IL23R: variants seen among roughly 807,000 people sequenced by gnomAD.
IL23R encodes interleukin 23 receptor.
Under a neutral mutation model 56.9 loss-of-function variants are expected in IL23R, and 34 were observed. The ratio of observed to expected loss-of-function variants is 0.60; its 90% confidence interval spans 0.45 to 0.80. The LOEUF is 0.80. Ranked by LOEUF, IL23R falls within the 30% of genes least tolerant of loss-of-function variation. The pLI, the probability that IL23R is intolerant of heterozygous loss-of-function variation, is 0.00. For missense variants in IL23R, 635 were observed against 730.0 expected, an observed-to-expected ratio of 0.87 and a Z score of 1.50; for synonymous variants, 230 against 249.2, an observed-to-expected ratio of 0.92 and a Z score of 0.73.
chr1:67,212,630 T>G (rs1207859486), intron 6 of IL23R, among the ~76,000 whole-genome samples: 1 of 150,030 alleles, frequency 6.7e-6, no homozygotes, highest in East Asian at 2.0e-4. Context: ...ACTGCAGCCT[T>G]GACCTCCTGG....
rs1649114760 is a variant in IL23R, at chr1:67,206,968, G to T, written c.711G>T (p.Lys237Asn). ...RAETINATVP[K>N]TIIYWDSQTT... is the part of the protein sequence containing the mutation. ...AGACTATAAATGCTACAGTGCCCAAGACCATAATTTATTGGGATAGTCAAA... is the reference window on the plus strand; with the variant it reads ...AGACTATAAATGCTACAGTGCCCAATACCATAATTTATTGGGATAGTCAAA... The change falls in exon 6 of 11, where the codon AAG becomes AAT. Residue 237 changes from lysine (K) to asparagine (N), a missense_variant. By Grantham distance (94) the Lys-to-Asn change is moderately conservative. Coordinates refer to ENST00000347310, the MANE Select transcript of IL23R (RefSeq NM_144701.3). The T allele has an allele frequency of 6.5e-7, 1 of 1,543,772 alleles. No homozygotes were observed. Among genetic ancestry groups the T allele is most frequent in the Non-Finnish European group, 8.8e-7 (1 of 1,142,806 alleles).
intron 9 of IL23R, among the ~76,000 whole-genome samples, chr1:67,242,550 C>G (rs1651922048): frequency 1.3e-5 from 2 of 152,090 alleles, no homozygotes; most frequent in African/African-American, 2.4e-5. Flanking sequence ...TCCTGGTTAG[C>G]TTTACCTTAA....
chr1:67,239,743 AATG>A (rs773262244), intron 8 of IL23R, among the ~76,000 whole-genome samples: 1 of 152,196 alleles, frequency 6.6e-6, no homozygotes, highest in Non-Finnish European at 1.5e-5. Context: ...GATTTTGAAG[AATG>A]ATGACAAATT....
At chr1:67,225,569 T>G (rs1570885234) in intron 7 of IL23R, among the ~76,000 whole-genome samples, 1 of 150,902 alleles carries the variant, frequency 6.6e-6, no homozygotes, top group Non-Finnish European at 1.5e-5. Context: ...TAGAGTGTAG[T>G]GCACCATCTC....
intron 9 of IL23R, among the ~76,000 whole-genome samples, chr1:67,249,859 C>T (rs1212760319): frequency 6.6e-6 from 1 of 152,048 alleles, no homozygotes; most frequent in Non-Finnish European, 1.5e-5. Flanking sequence ...CATTTTGTAA[C>T]CCTTTACAAA....
intron 3 of IL23R, among the ~76,000 whole-genome samples, chr1:67,172,619 G>A (rs1035976630): frequency 1.3e-5 from 2 of 152,114 alleles, no homozygotes; most frequent in Non-Finnish European, 2.9e-5. Context: ...GCACAGTCAT[G>A]TTTCCACTTA....
the IL23R span, among the ~76,000 whole-genome samples, chr1:67,265,538 C>G: frequency 6.6e-6 from 1 of 152,120 alleles, no homozygotes; most frequent in Non-Finnish European, 1.5e-5. Flanking sequence ...CCCTAATAAT[C>G]TATAGAATAA....
chr1:67,169,999 C>T (rs906681350), intron 3 of IL23R, among the ~76,000 whole-genome samples: 2 of 152,180 alleles, frequency 1.3e-5, no homozygotes, highest in African/African-American at 2.4e-5. Flanking sequence ...GAGGGCCAGC[C>T]CCGTTAGATT....
At chr1:67,241,089 T>C (rs1651822107) in intron 9 of IL23R, among the ~76,000 whole-genome samples, 1 of 152,250 alleles carries the variant, frequency 6.6e-6, no homozygotes, top group Non-Finnish European at 1.5e-5. Context: ...AATATAGAAG[T>C]ATGGAGTCCT....
chr1:67,167,844 A>G (rs1447752161), intron 1 of IL23R, among the ~76,000 whole-genome samples: 9 of 152,220 alleles, frequency 5.9e-5, no homozygotes, highest in African/African-American at 2.2e-4. Context: ...GTTAATTCAT[A>G]GTGACTTTTG....
downstream of IL23R, among the ~76,000 whole-genome samples, chr1:67,263,837 C>G (rs1232044951): frequency 2.0e-5 from 3 of 149,962 alleles, no homozygotes; most frequent in African/African-American, 7.4e-5. Flanking sequence ...GCACTCCAGC[C>G]TAGGCAACAG....
At chr1:67,154,744 T>G (rs1177474053) in intron 1 of IL23R, among the ~76,000 whole-genome samples, 3 of 152,200 alleles carry the variant, frequency 2.0e-5, no homozygotes, top group African/African-American at 7.2e-5. Context: ...CTTTATCCAA[T>G]TTGCCAGTCT....
chr1:67,198,077 C>T (rs569124351), intron 4 of IL23R, among the ~76,000 whole-genome samples: 1 of 152,058 alleles, frequency 6.6e-6, no homozygotes, highest in Non-Finnish European at 1.5e-5. Context: ...GGGGATATGC[C>T]ACACTCTTTA....
chr1:67,243,968 T>A (rs1163474684), intron 9 of IL23R, among the ~76,000 whole-genome samples: 1 of 152,050 alleles, frequency 6.6e-6, no homozygotes, highest in Non-Finnish European at 1.5e-5. Flanking sequence ...CTTGCCAGCG[T>A]CTCTTGTTTC....
chr1:67,258,058 C>T (rs992793883), intron 10 of IL23R, among the ~76,000 whole-genome samples: 3 of 152,168 alleles, frequency 2.0e-5, no homozygotes, highest in Middle Eastern at 6.8e-3. Flanking sequence ...ATAGGATTCT[C>T]CCCAACCTTT....
At chr1:67,207,632 A>T (rs757073123) in intron 6 of IL23R, 5 of 403,116 alleles carry the variant, frequency 1.2e-5, no homozygotes, top group Non-Finnish European at 2.4e-5. Flanking sequence ...TTCTCTTGCC[A>T]CCACTAAGTA....
At chr1:67,180,005 T>G (rs12919319) in intron 3 of IL23R, among the ~76,000 whole-genome samples, 1 of 152,118 alleles carries the variant, frequency 6.6e-6, no homozygotes, top group African/African-American at 2.4e-5. Flanking sequence ...AATTTCTGTT[T>G]TTTTACATTT....
In IL23R at chr1:67,217,936, T is replaced by C. The variant is rs577441349; in HGVS notation, c.799-1638T>C. Among the ~76,000 whole-genome samples, 6 of 152,008 alleles carry C rather than the reference T, an allele frequency of 3.9e-5. No homozygotes were observed. The East Asian group carries it at 1.2e-3, about 30-fold the overall frequency. On this transcript the variant is annotated intron_variant, in intron 6 of 10. Coordinates refer to ENST00000347310, the MANE Select transcript of IL23R (RefSeq NM_144701.3). ...TAATCTCAATCGTTGTAACTTTCTC[T>C]TTCATGAGTATCTGATAACTGCTTT...
intron 1 of IL23R, among the ~76,000 whole-genome samples, chr1:67,142,479 G>A (rs1480272782): frequency 6.6e-6 from 1 of 152,166 alleles, no homozygotes; most frequent in African/African-American, 2.4e-5. Context: ...ACACTTTTGT[G>A]TTATGCAGAG....
Sources: gnomAD v4.1 joint callset for allele counts (sites outside exome capture counted in the v4.1 genomes callset) on GRCh38, gnomAD v4.1.1 for gene constraint, MANE v1.5 for transcripts, NCBI Gene and HGNC (gene_info 2026-07-23, HGNC 2026-07-21) for gene names.